The following SGIP1 variants were observed in gnomAD, a reference collection of about 807,000 sequenced individuals.
The protein encoded by SGIP1 is SH3-containing GRB2-like protein 3-interacting protein 1.
Under a neutral mutation model 107.5 loss-of-function variants are expected in SGIP1, and 38 were observed. That is an observed-to-expected ratio of 0.35 (90% CI 0.27 to 0.46). SGIP1 has a LOEUF of 0.46. Among genes scored for constraint, SGIP1 ranks in the 20% least tolerant of loss-of-function variants. The pLI, the probability that SGIP1 is intolerant of heterozygous loss-of-function variation, is 1.00. For synonymous variants in SGIP1, 365 were observed against 366.1 expected, an observed-to-expected ratio of 1.00 and a Z score of 0.03; for missense variants, 929 against 1,019.5, an observed-to-expected ratio of 0.91 and a Z score of 1.21.
chr1:66,566,799 C>A (rs1226548927), intron 1 of SGIP1, among the ~76,000 whole-genome samples: 5 of 151,808 alleles, frequency 3.3e-5, no homozygotes, highest in African/African-American at 4.8e-5. Context: ...ACCCATCAAC[C>A]CGTCATCTAG....
At chr1:66,678,565 G>A (rs1442416599) in intron 13 of SGIP1, among the ~76,000 whole-genome samples, 3 of 152,132 alleles carry the variant, frequency 2.0e-5, no homozygotes, top group Admixed American at 6.6e-5. Flanking sequence ...CTTAACTTCT[G>A]TGGGAAAATA....
chr1:66,641,153 G>T (rs1400203139), intron 5 of SGIP1, among the ~76,000 whole-genome samples: 2 of 151,848 alleles, frequency 1.3e-5, no homozygotes, highest in East Asian at 3.9e-4. Flanking sequence ...GTGAGATGAA[G>T]TCTAGATATC....
At chr1:66,684,219 C>T (rs957795434) in intron 15 of SGIP1, 2 of 1,550,330 alleles carry the variant, frequency 1.3e-6, no homozygotes, top group African/African-American at 2.7e-5. Context: ...TGTTGTTAAC[C>T]AGTGTGCTCT....
chr1:66,723,648 G>A (rs574826612), intron 19 of SGIP1, among the ~76,000 whole-genome samples: 2 of 152,156 alleles, frequency 1.3e-5, no homozygotes, highest in Admixed American at 6.5e-5. Flanking sequence ...TTTGCACAAG[G>A]ACCATTTGTC....
In SGIP1 at chr1:66,592,897, C is replaced by CTTTTTTTTT. The variant is rs35762612; in HGVS notation, c.11-32928_11-32920dup. 3.3e-3 allele frequency among the ~76,000 whole-genome samples: 188 copies of CTTTTTTTTT among 56,346 alleles called. 4 individuals carry two copies. The highest frequency in any genetic ancestry group is 4.1e-3 in the Non-Finnish European group (138 of 33,578). The allele number at this position is 56,346 out of a possible 152,430, so 37.0% of individuals were successfully genotyped here. On this transcript the variant is annotated intron_variant, in intron 1 of 24. Transcript: ENST00000371037. ...CTTTCCTTCTTTCTTTCTTCTTCTT[C>CTTTTTTTTT]TTTTTTTTTTTTTTTTTTTTTTTTT...
intron 1 of SGIP1, among the ~76,000 whole-genome samples, chr1:66,598,074 CT>C (rs2065065864): frequency 6.6e-6 from 1 of 152,080 alleles, no homozygotes; most frequent in South Asian, 2.1e-4. Context: ...GCATTTGTCC[CT>C]TTTTCCAACA....
chr1:66,684,298 T>A, intron 15 of SGIP1: 1 of 1,448,038 alleles, frequency 6.9e-7, no homozygotes, highest in Non-Finnish European at 9.3e-7. Context: ...CCATCTACAC[T>A]GCACAGTGTC....
At chr1:66,615,010 G>A (rs978112733) in intron 1 of SGIP1, among the ~76,000 whole-genome samples, 2 of 151,530 alleles carry the variant, frequency 1.3e-5, no homozygotes, top group Non-Finnish European at 2.9e-5. Context: ...TAGTAGAGAC[G>A]GGGTTTCTCC....
intron 7 of SGIP1, among the ~76,000 whole-genome samples, chr1:66,649,623 T>C (rs1174837681): frequency 6.6e-6 from 1 of 152,176 alleles, no homozygotes; most frequent in Non-Finnish European, 1.5e-5. Flanking sequence ...ACCTCCATTA[T>C]ATCATACAAG....
intron 1 of SGIP1, among the ~76,000 whole-genome samples, chr1:66,563,334 T>C (rs185524875): frequency 6.6e-6 from 1 of 151,968 alleles, no homozygotes; most frequent in Non-Finnish European, 1.5e-5. Context: ...CCGGGTTATT[T>C]GGAGGAACAT....
At chr1:66,633,996 A>G (rs566032807) in intron 3 of SGIP1, 31 of 1,272,354 alleles carry the variant, frequency 2.4e-5, no homozygotes, top group Middle Eastern at 3.8e-4. Context: ...TTTTGCCTTC[A>G]TGTGGTTCTT....
intron 1 of SGIP1, among the ~76,000 whole-genome samples, chr1:66,609,739 T>C (rs1030088842): frequency 2.6e-5 from 4 of 152,234 alleles, no homozygotes; most frequent in Admixed American, 1.3e-4. Flanking sequence ...GAGAAATATC[T>C]GGGCCAACCT....
chr1:66,591,484 G>A (rs942066228), intron 1 of SGIP1, among the ~76,000 whole-genome samples: 5 of 152,116 alleles, frequency 3.3e-5, no homozygotes, highest in African/African-American at 4.8e-5. Flanking sequence ...GCAAAATTGA[G>A]CATAAAGTAC....
At chr1:66,542,444 T>G (rs1187498339) in intron 1 of SGIP1, among the ~76,000 whole-genome samples, 1 of 152,004 alleles carries the variant, frequency 6.6e-6, no homozygotes, top group Non-Finnish European at 1.5e-5. Context: ...GTGGAGTGAA[T>G]GACGTATGCA....
chr1:66,657,174 T>C (rs2079967657), intron 7 of SGIP1, among the ~76,000 whole-genome samples: 2 of 152,126 alleles, frequency 1.3e-5, no homozygotes, highest in South Asian at 4.2e-4. Context: ...AGACCCTATC[T>C]CTAAAAATAT....
At chr1:66,559,994 A>C (rs1043846165) in intron 1 of SGIP1, among the ~76,000 whole-genome samples, 2 of 152,042 alleles carry the variant, frequency 1.3e-5, no homozygotes, top group African/African-American at 4.8e-5. Context: ...GAGAGAGAAT[A>C]GGTACTAAGT....
chr1:66,683,834 G>A (rs1284464497), intron 15 of SGIP1, among the ~76,000 whole-genome samples: 1 of 147,766 alleles, frequency 6.8e-6, no homozygotes, highest in Non-Finnish European at 1.5e-5. Context: ...CTCCTGAGTA[G>A]CTGGGATTAT....
At position 66,580,693 on chromosome 1, in the gene SGIP1, T is replaced by C. The variant is rs1164039582; in HGVS notation, c.11-45154T>C. On this transcript the variant is annotated intron_variant, in intron 1 of 24. Coordinates refer to ENST00000371037, the MANE Select transcript of SGIP1 (RefSeq NM_032291.4). The stretch of plus-strand genomic sequence containing the variant: ...TCTTTATATATTTGTTTTATCTTAA[T>C]TATACAAGAATTCTTAATTATTTTT... Among the ~76,000 whole-genome samples the C allele has an allele frequency of 4.6e-5, 7 of 152,162 alleles. No individual in the cohort carries two copies. The East Asian group carries it at 7.7e-4, about 17-fold the overall frequency.
intron 1 of SGIP1, 32 bp from the exon 2 acceptor site, chr1:66,625,811 TGAGA>T (rs755588109): frequency 5.0e-6 from 8 of 1,587,744 alleles, no homozygotes; most frequent in Non-Finnish European, 6.9e-6. Context: ...TGAATGTTGC[TGAGA>T]GAGTTTTTGA....
Sources: allele counts gnomAD v4.1 joint callset (sites outside exome capture counted in the v4.1 genomes callset), GRCh38; gene constraint gnomAD v4.1.1; transcripts MANE v1.5; gene names NCBI Gene and HGNC (gene_info 2026-07-23, HGNC 2026-07-21).